Variants in PLPPR5 observed in about 807,000 individuals in gnomAD.
The protein encoded by PLPPR5 is phospholipid phosphatase-related protein type 5.
Under a neutral mutation model 33.9 loss-of-function variants are expected in PLPPR5, and 16 were observed. That is an observed-to-expected ratio of 0.47 (90% confidence interval 0.32 to 0.72). The LOEUF (loss-of-function observed/expected upper bound fraction) is 0.72, where lower values mean the gene tolerates loss of function less well. Among genes scored for constraint, PLPPR5 ranks in the 30% least tolerant of loss-of-function variants. The pLI is 0.03. For synonymous variants in PLPPR5, 163 were observed against 150.3 expected (o/e 1.08, Z -0.62); for missense variants, 301 against 406.7 (o/e 0.74, Z 2.23).
chr1:99,000,229 A>C (rs1652781523), intron 1 of PLPPR5, among the ~76,000 whole-genome samples: 2 of 152,204 alleles, frequency 1.3e-5, no homozygotes, highest in Admixed American at 1.3e-4. Context: ...ATAAGCCCAA[A>C]TTACAGGCGT....
intron 5 of PLPPR5, among the ~76,000 whole-genome samples, chr1:98,906,172 A>G (rs529499012): frequency 2.0e-5 from 3 of 151,108 alleles, no homozygotes. Context: ...GTATATATAT[A>G]TAGTGTGTGT....
chr1:98,982,195 T>C (rs1227531619), intron 1 of PLPPR5, among the ~76,000 whole-genome samples: 1 of 152,034 alleles, frequency 6.6e-6, no homozygotes, highest in Admixed American at 6.6e-5. Context: ...CAAAAAAGTG[T>C]TCTAATTTTA....
At position 98,933,502 on chromosome 1, in the gene PLPPR5, G is replaced by A. The variant is rs146170758; in HGVS notation, c.622-11444C>T. Among the ~76,000 whole-genome samples, 11 of 140,266 alleles carry A rather than the reference G, an allele frequency of 7.8e-5. No homozygotes were observed. In the East Asian group the frequency reaches 2.0e-3, roughly 25 times the overall value. 92.0% of individuals were successfully genotyped at this position (140,266 alleles called of 152,430 possible). A position where few individuals can be genotyped will look rare whatever the true frequency, so the allele number is the denominator to read the frequency against. On this transcript the variant is annotated intron_variant, in intron 3 of 5. Coordinates refer to ENST00000263177, the MANE Select transcript of PLPPR5 (RefSeq NM_001037317.2). The stretch of plus-strand genomic sequence containing the variant: ...CGTCTCAAAAAAAAAAAAAAAAAAG[G>A]ATTTCAGAATTAAGAATAAAGGATT...
At position 98,962,501 on chromosome 1, in the gene PLPPR5, C is replaced by A. The variant is rs182690902; in HGVS notation, c.238-5760G>T. Reference sequence around the variant, plus strand: ...TCAAATAAGACCACTTTTATCACTACCTCCATTTTAAAATCCAGTCCCTCT... The same window carrying A: ...TCAAATAAGACCACTTTTATCACTAACTCCATTTTAAAATCCAGTCCCTCT... On this transcript the variant is annotated intron_variant, in intron 1 of 5. Coordinates refer to ENST00000263177, the MANE Select transcript of PLPPR5 (RefSeq NM_001037317.2). 1.1e-3 allele frequency among the ~76,000 whole-genome samples: 168 copies of A among 152,268 alleles called. 3 individuals are homozygous for A. The highest frequency in any genetic ancestry group is 4.0e-3 in the African/African-American group (166 of 41,558).
chr1:98,921,126 T>G (rs2101160690), intron 4 of PLPPR5, among the ~76,000 whole-genome samples: 1 of 152,258 alleles, frequency 6.6e-6, no homozygotes, highest in East Asian at 1.9e-4. Flanking sequence ...TCTGGTTAAA[T>G]AAATAATAAT....
At chr1:98,985,918 A>G (rs948255300) in intron 1 of PLPPR5, among the ~76,000 whole-genome samples, 1 of 152,072 alleles carries the variant, frequency 6.6e-6, no homozygotes, top group Non-Finnish European at 1.5e-5. Context: ...GTTAAGGGAC[A>G]TATGACTGTA....
rs576402803 is a variant in PLPPR5, at chr1:98,900,908, C to T, written c.934-7804G>A. The stretch of plus-strand genomic sequence containing the variant: ...AAATCATAAGGGCCATTAGAAATGA[C>T]ACAGATAACTTGAAAAATGTTTTAT... On this transcript the variant is annotated intron_variant, in intron 5 of 5. Transcript: ENST00000263177. Among the ~76,000 whole-genome samples the T allele has an allele frequency of 1.4e-4, 21 of 152,194 alleles. No homozygotes were observed. In the South Asian group the frequency reaches 4.1e-3, roughly 30 times the overall value.
At chr1:98,993,852 A>G (rs572821433) in intron 1 of PLPPR5, among the ~76,000 whole-genome samples, 3 of 152,218 alleles carry the variant, frequency 2.0e-5, no homozygotes, top group African/African-American at 7.2e-5. Flanking sequence ...AGCACCCTTT[A>G]TAAAAGGGAT....
intron 1 of PLPPR5, among the ~76,000 whole-genome samples, chr1:98,980,746 G>A (rs1365232799): frequency 6.6e-6 from 1 of 152,028 alleles, no homozygotes; most frequent in African/African-American, 2.4e-5. Context: ...GAACACACCT[G>A]TTATGCAATT....
intron 5 of PLPPR5, among the ~76,000 whole-genome samples, chr1:98,901,122 C>T (rs1030190056): frequency 6.6e-6 from 1 of 152,058 alleles, no homozygotes; most frequent in African/African-American, 2.4e-5. Context: ...GTGGTGCATC[C>T]ATACAACAGG....
intron 5 of PLPPR5, among the ~76,000 whole-genome samples, chr1:98,901,685 C>G (rs1158813045): frequency 6.6e-6 from 1 of 151,992 alleles, no homozygotes; most frequent in African/African-American, 2.4e-5. Context: ...TTATGAAGAA[C>G]AATGTTCTCC....
intron 5 of PLPPR5, among the ~76,000 whole-genome samples, chr1:98,906,153 ACAGT>A (rs1322338174): frequency 1.3e-5 from 2 of 151,420 alleles, no homozygotes; most frequent in Non-Finnish European, 2.9e-5. Context: ...TAGTATATAC[ACAGT>A]GTGTGTATAT....
chr1:98,896,086 A>C (rs1160326366), intron 5 of PLPPR5, among the ~76,000 whole-genome samples: 1 of 151,938 alleles, frequency 6.6e-6, no homozygotes, highest in Non-Finnish European at 1.5e-5. Flanking sequence ...AATCTAAAGA[A>C]GCGCCAAGAT....
intron 1 of PLPPR5, among the ~76,000 whole-genome samples, chr1:99,000,484 G>A (rs570974468): frequency 7.9e-5 from 12 of 152,140 alleles, no homozygotes; most frequent in African/African-American, 2.4e-4. Context: ...AGATGTATAC[G>A]CCATTTTCCC....
chr1:98,892,141 T>A lies in PLPPR5; in HGVS notation c.*931A>T, dbSNP rs944769453. On this transcript the variant is annotated 3_prime_UTR_variant, in exon 6 of 6. Coordinates refer to ENST00000263177, the MANE Select transcript of PLPPR5 (RefSeq NM_001037317.2). Reference sequence around the variant, plus strand: ...CCATATTTCTAGCATTTATATAATTTAAATTATGTGTCAGGGTATAGTTCT... The same window carrying A: ...CCATATTTCTAGCATTTATATAATTAAAATTATGTGTCAGGGTATAGTTCT... The A allele has an allele frequency of 1.3e-5, 2 of 152,108 alleles. No individual in the cohort carries two copies. Among genetic ancestry groups the A allele is most frequent in the Non-Finnish European group, 2.9e-5 (2 of 68,000 alleles). 9.4% of individuals were successfully genotyped at this position (152,108 alleles called of 1,614,324 possible).
intron 1 of PLPPR5, among the ~76,000 whole-genome samples, chr1:98,963,411 T>A (rs1651316909): frequency 6.6e-6 from 1 of 152,210 alleles, no homozygotes; most frequent in African/African-American, 2.4e-5. Context: ...CATTTATCTT[T>A]AAACTTCTAC....
intron 4 of PLPPR5, among the ~76,000 whole-genome samples, chr1:98,918,357 A>G (rs1649433380): frequency 6.6e-6 from 1 of 152,352 alleles, no homozygotes; most frequent in Non-Finnish European, 1.5e-5. Context: ...TGTAGTAAAG[A>G]GCACAATAAC....
intron 5 of PLPPR5, among the ~76,000 whole-genome samples, chr1:98,911,169 A>C (rs568789745): frequency 4.6e-5 from 7 of 152,300 alleles, no homozygotes; most frequent in Admixed American, 1.3e-4. Flanking sequence ...CAGGGGACAG[A>C]ACTTGCACTG....
At chr1:98,990,792 T>G (rs1461999376) in intron 1 of PLPPR5, 3 of 151,864 alleles carry the variant, frequency 2.0e-5, no homozygotes, top group Admixed American at 6.5e-5. Context: ...CATAAAAATT[T>G]TCTTTCATTC....
Sources: allele counts gnomAD v4.1 joint callset (sites outside exome capture counted in the v4.1 genomes callset), GRCh38; gene constraint gnomAD v4.1.1; transcripts MANE v1.5; gene names NCBI Gene and HGNC (gene_info 2026-07-23, HGNC 2026-07-21).